EFNA5: variants seen among roughly 807,000 people sequenced by gnomAD.
EFNA5 encodes ephrin-A5.
A neutral mutation model predicts 22.9 loss-of-function variants in EFNA5; 5 were observed. The ratio of observed to expected loss-of-function variants is 0.22; its 90% CI spans 0.11 to 0.46. The LOEUF is 0.46. EFNA5 is among the 20% of genes least tolerant of loss of function. The pLI is 0.99. For synonymous variants in EFNA5, 113 were observed against 112.2 expected, an observed-to-expected ratio of 1.01 and a Z score of -0.04; for missense variants, 237 against 293.3, an observed-to-expected ratio of 0.81 and a Z score of 1.40.
rs575413237 is a variant in EFNA5, at chr5:107,408,389, T to C, written c.418+18828A>G. Among the ~76,000 whole-genome samples, 10 of 152,352 alleles carry C rather than the reference T, an allele frequency of 6.6e-5. No individual in the cohort carries two copies. The East Asian group carries it at 1.9e-3, about 29-fold the overall frequency. On this transcript the variant is annotated intron_variant, in intron 2 of 4. Transcript: ENST00000333274. Reference sequence around the variant, plus strand: ...AACCAATTTGATCCTGAAAAGTATATGTAAACTGAATTTTTAGAACAGACC... The same window carrying C: ...AACCAATTTGATCCTGAAAAGTATACGTAAACTGAATTTTTAGAACAGACC...
chr5:107,633,505 G>A (rs779823151), intron 1 of EFNA5, among the ~76,000 whole-genome samples: 7 of 152,298 alleles, frequency 4.6e-5, no homozygotes, highest in Middle Eastern at 3.4e-3. Flanking sequence ...GCACTGCTGC[G>A]TCACATTACT....
At chr5:107,417,605 A>G (rs1262555925) in intron 2 of EFNA5, among the ~76,000 whole-genome samples, 1 of 152,170 alleles carries the variant, frequency 6.6e-6, no homozygotes, top group Non-Finnish European at 1.5e-5. Flanking sequence ...GAAAACAGAA[A>G]ACTTGATAGC....
At chr5:107,385,517 A>G (rs1747591333) in intron 4 of EFNA5, among the ~76,000 whole-genome samples, 2 of 152,290 alleles carry the variant, frequency 1.3e-5, no homozygotes, top group African/African-American at 4.8e-5. Context: ...CAAAGACAAG[A>G]GACTTAAGTC....
At chr5:107,464,107 G>A (rs1204048499) in intron 1 of EFNA5, among the ~76,000 whole-genome samples, 1 of 152,054 alleles carries the variant, frequency 6.6e-6, no homozygotes, top group African/African-American at 2.4e-5. Flanking sequence ...GAATTTCATG[G>A]GATTCAAAAA....
intron 2 of EFNA5, among the ~76,000 whole-genome samples, chr5:107,391,319 T>A (rs1747790354): frequency 6.6e-6 from 1 of 152,148 alleles, no homozygotes; most frequent in South Asian, 2.1e-4. Flanking sequence ...CCTGGAGGGA[T>A]CCATGTGACA....
rs565132891 is a variant in EFNA5 at position 107,378,666 on chromosome 5, A to G, written c.*2589T>C. 2 of 152,302 alleles carry G rather than the reference A, an allele frequency of 1.3e-5. No individual in the cohort carries two copies. The highest frequency in any genetic ancestry group is 4.1e-4 in the South Asian group (2 of 4,824). 9.4% of individuals were successfully genotyped at this position (152,302 alleles called of 1,614,324 possible). A position where few individuals can be genotyped will look rare whatever the true frequency, so the allele number is the denominator to read the frequency against. On this transcript the variant is annotated 3_prime_UTR_variant, in exon 5 of 5. Transcript: ENST00000333274. Reference sequence around the variant, plus strand: ...TGTGGACACTCTTGCTATTTTCTTTATACTTAATTTGCAGTGGCAGAATGG... The same window carrying G: ...TGTGGACACTCTTGCTATTTTCTTTGTACTTAATTTGCAGTGGCAGAATGG...
chr5:107,394,271 C>A (rs574660607), intron 2 of EFNA5, among the ~76,000 whole-genome samples: 21 of 152,140 alleles, frequency 1.4e-4, no homozygotes, highest in Non-Finnish European at 2.5e-4. Flanking sequence ...CAGCCCACTG[C>A]GTCTCAAGAC....
chr5:107,628,397 ATATAT>A, intron 1 of EFNA5, among the ~76,000 whole-genome samples: 1 of 152,196 alleles, frequency 6.6e-6, no homozygotes, highest in East Asian at 1.9e-4. Context: ...TAGCCTAAAA[ATATAT>A]TATAGCATAT....
At chr5:107,532,830 A>T (rs588635) in intron 1 of EFNA5, among the ~76,000 whole-genome samples, 9,227 of 152,202 alleles carry the variant, frequency 0.061, 944 homozygotes, top group African/African-American at 0.21. Context: ...ACAACCTCAT[A>T]ATTTTAAGTA....
intron 1 of EFNA5, among the ~76,000 whole-genome samples, chr5:107,504,433 C>T (rs1006719061): frequency 2.0e-5 from 3 of 152,250 alleles, no homozygotes; most frequent in African/African-American, 7.2e-5. Flanking sequence ...AGCTACCTTA[C>T]TAAAATATGT....
rs1242271923 is a variant in EFNA5 at position 107,427,356 on chromosome 5, A to G, written c.279T>C (p.Thr93=). The change falls in exon 2 of 5, where the codon ACT becomes ACC. Residue 93 remains threonine (T), a synonymous_variant. Coordinates refer to ENST00000333274, the MANE Select transcript of EFNA5 (RefSeq NM_001962.3). The stretch of plus-strand genomic sequence containing the variant: ...ATTCCCATCTCTTGAACCCTTTGGA[A>G]GTGTGGTCGCAGGCACTGTAGCCAT... ...NFDGYSACDH[T]SKGFKRWECN... is the part of the protein sequence containing the mutation. 6.2e-7 allele frequency: 1 copy of G among 1,614,104 alleles called. No homozygotes were observed.
chr5:107,587,808 C>A lies in EFNA5; in HGVS notation c.125+82681G>T, dbSNP rs759724552. 5.3e-5 allele frequency among the ~76,000 whole-genome samples: 8 copies of A among 152,334 alleles called. No homozygotes were observed. In the South Asian group the frequency reaches 1.7e-3, roughly 32 times the overall value. On this transcript the variant is annotated intron_variant, in intron 1 of 4. Coordinates refer to ENST00000333274, the MANE Select transcript of EFNA5 (RefSeq NM_001962.3). ...CTGGGATTACAGGCGTAAGCCACTG[C>A]GCCTGGCCTGCCACCTATAGTTTTA... is the stretch of plus-strand genomic sequence containing the variant.
chr5:107,465,060 A>G (rs1251055701), intron 1 of EFNA5, among the ~76,000 whole-genome samples: 1 of 99,802 alleles, frequency 1.0e-5, no homozygotes, highest in African/African-American at 5.0e-5. Context: ...ATTCTGTGTG[A>G]GGCTTTTTTT....
chr5:107,525,205 G>A (rs1747670172), intron 1 of EFNA5, among the ~76,000 whole-genome samples: 1 of 152,106 alleles, frequency 6.6e-6, no homozygotes, highest in African/African-American at 2.4e-5. Flanking sequence ...AAAAGAGATT[G>A]TAAGATTAGT....
At chr5:107,450,181 A>G (rs2112445367) in intron 1 of EFNA5, among the ~76,000 whole-genome samples, 1 of 152,322 alleles carries the variant, frequency 6.6e-6, no homozygotes, top group East Asian at 1.9e-4. Context: ...GGAACGGGAT[A>G]TGCCACACAA....
intron 1 of EFNA5, among the ~76,000 whole-genome samples, chr5:107,558,467 C>T (rs1351953019): frequency 2.0e-5 from 3 of 152,158 alleles, no homozygotes; most frequent in Admixed American, 2.0e-4. Flanking sequence ...TATATTATTA[C>T]AGAGCTGAAG....
chr5:107,584,013 A>C (rs1749127285), intron 1 of EFNA5, among the ~76,000 whole-genome samples: 1 of 152,140 alleles, frequency 6.6e-6, no homozygotes, highest in Non-Finnish European at 1.5e-5. Context: ...TCCACTGTGG[A>C]TCCACACAGG....
At chr5:107,550,697 A>T (rs1242452073) in intron 1 of EFNA5, among the ~76,000 whole-genome samples, 1 of 152,196 alleles carries the variant, frequency 6.6e-6, no homozygotes. Context: ...GTTTCATTTC[A>T]ATTTGGCCAC....
At chr5:107,551,843 C>A (rs969335385) in intron 1 of EFNA5, among the ~76,000 whole-genome samples, 2 of 151,922 alleles carry the variant, frequency 1.3e-5, no homozygotes, top group Non-Finnish European at 1.5e-5. Context: ...TCTGAAAAAT[C>A]TCCTAGGACA....
Sources: gnomAD v4.1 joint callset for allele counts (sites outside exome capture counted in the v4.1 genomes callset) on GRCh38, gnomAD v4.1.1 for gene constraint, MANE v1.5 for transcripts, NCBI Gene and HGNC (gene_info 2026-07-23, HGNC 2026-07-21) for gene names.